The following DPP10 variants were observed in gnomAD, a reference collection of about 807,000 sequenced individuals.
The protein encoded by DPP10 is inactive dipeptidyl peptidase 10.
DPP10 carries 33 observed loss-of-function variants against 120.9 expected under a neutral mutation model. The observed-to-expected ratio is 0.27, with a 90% CI of 0.21 to 0.37. DPP10 has a LOEUF of 0.37. Among genes scored for constraint, DPP10 ranks in the 10% least tolerant of loss-of-function variants. The pLI is 1.00. For missense variants in DPP10, 816 were observed against 942.8 expected (o/e 0.87, Z 1.76); for synonymous variants, 337 against 326.1 (o/e 1.03, Z -0.36).
At position 114,774,094 on chromosome 2, in the gene DPP10, G is replaced by A. The variant is rs183434768; in HGVS notation, c.60+331256G>A. ...TACTAGTAACCTGATGGCTAAGAACGATCACATATTTATATGTATTCATTC... is the reference window on the plus strand; with the variant it reads ...TACTAGTAACCTGATGGCTAAGAACAATCACATATTTATATGTATTCATTC... On this transcript the variant is annotated intron_variant, in intron 1 of 25. Coordinates refer to ENST00000410059, the MANE Select transcript of DPP10 (RefSeq NM_020868.6). Among the ~76,000 whole-genome samples, 197 of 152,110 alleles carry A rather than the reference G, an allele frequency of 1.3e-3. 1 individual carries two copies. Among genetic ancestry groups the A allele is most frequent in the African/African-American group, 4.2e-3 (176 of 41,512 alleles).
chr2:115,787,479 G>C (rs184163930), intron 17 of DPP10, among the ~76,000 whole-genome samples: 1 of 152,238 alleles, frequency 6.6e-6, no homozygotes, highest in East Asian at 1.9e-4. Context: ...AAAATACTAA[G>C]AACAGATTAG....
At chr2:114,830,325 T>C (rs1686983140) in intron 1 of DPP10, among the ~76,000 whole-genome samples, 1 of 152,178 alleles carries the variant, frequency 6.6e-6, no homozygotes, top group Non-Finnish European at 1.5e-5. Context: ...TTTTCCCAAA[T>C]AGTCAAAGAT....
chr2:114,548,811 T>C (rs921261711), intron 1 of DPP10, among the ~76,000 whole-genome samples: 3 of 152,106 alleles, frequency 2.0e-5, no homozygotes. Flanking sequence ...TTGCTTGTAA[T>C]GGGTGAAGAA....
intron 3 of DPP10, among the ~76,000 whole-genome samples, chr2:115,431,461 A>G (rs953481687): frequency 1.8e-4 from 28 of 152,122 alleles, no homozygotes; most frequent in Non-Finnish European, 4.4e-5. Context: ...AAAAATAAAC[A>G]TGGACTGCAA....
At chr2:115,841,424 A>T (rs1046949576) in intron 25 of DPP10, among the ~76,000 whole-genome samples, 1 of 152,292 alleles carries the variant, frequency 6.6e-6, no homozygotes, top group East Asian at 1.9e-4. Flanking sequence ...TACACTGTCA[A>T]GGAGGTTCCA....
At chr2:114,971,800 T>C (rs2104792129) in intron 1 of DPP10, among the ~76,000 whole-genome samples, 1 of 152,334 alleles carries the variant, frequency 6.6e-6, no homozygotes. Context: ...ACGATCAACC[T>C]TTAAAAATAA....
intron 1 of DPP10, among the ~76,000 whole-genome samples, chr2:114,633,543 C>T (rs898298281): frequency 2.0e-5 from 3 of 151,498 alleles, no homozygotes; most frequent in Non-Finnish European, 2.9e-5. Flanking sequence ...CATGAGCCAC[C>T]GCACCTGGCC....
At chr2:115,595,759 T>G (rs2082950121) in intron 5 of DPP10, among the ~76,000 whole-genome samples, 1 of 152,052 alleles carries the variant, frequency 6.6e-6, no homozygotes, top group South Asian at 2.1e-4. Flanking sequence ...TTTAGTTTTA[T>G]CCATCATTTT....
At chr2:114,455,963 T>C (rs1166958420) in intron 1 of DPP10, among the ~76,000 whole-genome samples, 2 of 152,326 alleles carry the variant, frequency 1.3e-5, no homozygotes, top group East Asian at 3.9e-4. Flanking sequence ...GGCAAGCCCG[T>C]TGCATCACAC....
chr2:114,885,068 T>C (rs1428128412), intron 1 of DPP10, among the ~76,000 whole-genome samples: 1 of 152,208 alleles, frequency 6.6e-6, no homozygotes. Flanking sequence ...TATTTGGCTG[T>C]TCTCACACTG....
At chr2:114,483,698 G>A (rs1457411200) in intron 1 of DPP10, among the ~76,000 whole-genome samples, 2 of 152,154 alleles carry the variant, frequency 1.3e-5, no homozygotes, top group African/African-American at 4.8e-5. Flanking sequence ...AAGCCAGGAT[G>A]GCTGCCTGTG....
intron 5 of DPP10, among the ~76,000 whole-genome samples, chr2:115,664,289 A>G (rs1056116854): frequency 5.3e-5 from 8 of 151,996 alleles, no homozygotes; most frequent in Non-Finnish European, 1.0e-4. Flanking sequence ...AGAATTACAA[A>G]TAATTACCAA....
chr2:115,016,922 T>C (rs1702684837), intron 1 of DPP10, among the ~76,000 whole-genome samples: 7 of 151,796 alleles, frequency 4.6e-5, no homozygotes. Context: ...ATGGATGAAA[T>C]TGGAAATTAT....
chr2:115,135,624 T>C (rs866613001), intron 1 of DPP10, among the ~76,000 whole-genome samples: 37 of 152,274 alleles, frequency 2.4e-4, no homozygotes, highest in African/African-American at 8.2e-4. Context: ...ACAATGAACT[T>C]CTATTCTCTT....
chr2:115,523,654 T>G (rs1297622769), intron 4 of DPP10, among the ~76,000 whole-genome samples: 2 of 152,130 alleles, frequency 1.3e-5, no homozygotes, highest in Non-Finnish European at 2.9e-5. Context: ...CTCCTGATAC[T>G]ATAATGTTGG....
Position 115,768,415 on chromosome 2 carries a change from G to A in DPP10, c.1221+11G>A, listed in dbSNP as rs1681059694. On this transcript the variant is annotated intron_variant, in intron 13 of 25. Coordinates refer to ENST00000410059, the MANE Select transcript of DPP10 (RefSeq NM_020868.6). Reference sequence around the variant, plus strand: ...ATGTTCCTCATCCAGGTAAGTGCTGGCTTTTTTCCATGTTTTGATTTCATT... The same window carrying A: ...ATGTTCCTCATCCAGGTAAGTGCTGACTTTTTTCCATGTTTTGATTTCATT... 1.2e-6 allele frequency: 2 copies of A among 1,608,076 alleles called. No individual in the cohort carries two copies. The highest frequency in any genetic ancestry group is 1.7e-6 in the Non-Finnish European group (2 of 1,175,642).
chr2:115,422,982 C>T, intron 3 of DPP10, among the ~76,000 whole-genome samples: 1 of 152,088 alleles, frequency 6.6e-6, no homozygotes, highest in East Asian at 1.9e-4. Flanking sequence ...TCTAAAGCGT[C>T]ACTGTCCAAC....
At chr2:115,042,743 T>G (rs1704759238) in intron 1 of DPP10, among the ~76,000 whole-genome samples, 2 of 152,248 alleles carry the variant, frequency 1.3e-5, no homozygotes, top group South Asian at 2.1e-4. Flanking sequence ...CAAGCCATCT[T>G]GATCCATCAG....
At chr2:115,052,928 G>A (rs1049530011) in intron 1 of DPP10, among the ~76,000 whole-genome samples, 2 of 149,502 alleles carry the variant, frequency 1.3e-5, no homozygotes, top group African/African-American at 4.9e-5. Flanking sequence ...CTACAGCCTG[G>A]GTGACAGAGG....
Sources: allele counts gnomAD v4.1 joint callset (sites outside exome capture counted in the v4.1 genomes callset), GRCh38; gene constraint gnomAD v4.1.1; transcripts MANE v1.5; gene names NCBI Gene and HGNC (gene_info 2026-07-23, HGNC 2026-07-21).